C8orf34: variants seen among roughly 807,000 people sequenced by gnomAD.
C8orf34 encodes the protein chromosome 8 open reading frame 34.
C8orf34 carries 65 observed loss-of-function variants against 68.3 expected under a neutral mutation model. That is an observed-to-expected ratio of 0.95 (90% CI 0.78 to 1.17). The LOEUF (loss-of-function observed/expected upper bound fraction) is 1.17. Among genes scored for constraint, C8orf34 ranks in the 50% most tolerant of loss-of-function variants. C8orf34 has a pLI of 0.00. For missense variants in C8orf34, 664 were observed against 655.4 expected (o/e 1.01, Z -0.14); for synonymous variants, 244 against 241.2 (o/e 1.01, Z -0.11).
intron 7 of C8orf34, among the ~76,000 whole-genome samples, chr8:68,627,453 A>C (rs957148593): frequency 6.6e-6 from 1 of 152,170 alleles, no homozygotes; most frequent in Non-Finnish European, 1.5e-5. Flanking sequence ...ATGAGTTCAC[A>C]TGCCAGGAAT....
At position 68,568,093 on chromosome 8, in the gene C8orf34, T is replaced by G. The variant is rs752169389; in HGVS notation, c.1105+34944T>G. 3.2e-4 allele frequency among the ~76,000 whole-genome samples: 49 copies of G among 152,092 alleles called. 1 individual carries two copies. The highest frequency in any genetic ancestry group is 1.8e-4 in the Non-Finnish European group (12 of 68,026). On this transcript the variant is annotated intron_variant, in intron 7 of 13. Coordinates refer to ENST00000518698, the MANE Select transcript of C8orf34 (RefSeq NM_052958.4). ...GGAGCAGTTGGAACACATAAACATTTATTGGTTAAGTTCACCATCTTATAT... is the reference window on the plus strand; with the variant it reads ...GGAGCAGTTGGAACACATAAACATTGATTGGTTAAGTTCACCATCTTATAT...
intron 8 of C8orf34, among the ~76,000 whole-genome samples, chr8:68,645,467 A>G (rs1236971303): frequency 6.6e-6 from 1 of 152,112 alleles, no homozygotes; most frequent in Non-Finnish European, 1.5e-5. Flanking sequence ...TCTCTGCCTA[A>G]GACTTCTGCC....
intron 5 of C8orf34, among the ~76,000 whole-genome samples, chr8:68,499,790 T>C (rs1022587761): frequency 1.3e-5 from 2 of 152,148 alleles, no homozygotes; most frequent in African/African-American, 4.8e-5. Context: ...TCATGTGTCT[T>C]TTGATGTGAA....
At chr8:68,743,161 G>A (rs888345480) in intron 10 of C8orf34, among the ~76,000 whole-genome samples, 6 of 152,162 alleles carry the variant, frequency 3.9e-5, no homozygotes, top group Admixed American at 6.6e-5. Flanking sequence ...AAATTTGAGT[G>A]GAGAACAATT....
chr8:68,389,994 T>C (rs976021461), intron 1 of C8orf34, among the ~76,000 whole-genome samples: 2 of 152,164 alleles, frequency 1.3e-5, no homozygotes. Flanking sequence ...CTGCAGTTAC[T>C]CTTGAAGGGG....
At chr8:68,676,091 T>G (rs1820181462) in intron 8 of C8orf34, among the ~76,000 whole-genome samples, 1 of 152,076 alleles carries the variant, frequency 6.6e-6, no homozygotes, top group South Asian at 2.1e-4. Context: ...TCCCGGAACT[T>G]TGGGAGGCTG....
intron 7 of C8orf34, among the ~76,000 whole-genome samples, chr8:68,553,723 C>T (rs1360839328): frequency 1.3e-5 from 2 of 151,826 alleles, no homozygotes; most frequent in Admixed American, 1.3e-4. Context: ...GTAATTTAAG[C>T]CTCCTCTCTC....
chr8:68,380,672 C>T (rs1011261289), intron 1 of C8orf34, among the ~76,000 whole-genome samples: 5 of 152,214 alleles, frequency 3.3e-5, no homozygotes, highest in African/African-American at 1.2e-4. Context: ...CTTTATGCTA[C>T]ACTACCTGAA....
At chr8:68,551,071 T>C (rs1005167163) in intron 7 of C8orf34, among the ~76,000 whole-genome samples, 4 of 151,912 alleles carry the variant, frequency 2.6e-5, no homozygotes, top group African/African-American at 9.7e-5. Flanking sequence ...TAGGGGAAAT[T>C]CTCAGTCAAA....
At chr8:68,361,862 T>C (rs1029431501) in intron 1 of C8orf34, among the ~76,000 whole-genome samples, 5 of 152,258 alleles carry the variant, frequency 3.3e-5, no homozygotes, top group African/African-American at 1.2e-4. Flanking sequence ...CAAAGCAGGC[T>C]GAACCTTTCC....
chr8:68,489,573 C>T (rs140281871), intron 5 of C8orf34, among the ~76,000 whole-genome samples: 1 of 152,268 alleles, frequency 6.6e-6, no homozygotes, highest in East Asian at 1.9e-4. Flanking sequence ...TAATTTTGTG[C>T]ATGAAACAAA....
chr8:68,432,222 A>G (rs952707541), intron 1 of C8orf34, among the ~76,000 whole-genome samples: 2 of 151,680 alleles, frequency 1.3e-5, no homozygotes, highest in Non-Finnish European at 2.9e-5. Flanking sequence ...TGCATCTTGT[A>G]TGCAATTCTT....
intron 1 of C8orf34, among the ~76,000 whole-genome samples, chr8:68,381,759 A>AAC (rs1312670366): frequency 1.7e-4 from 26 of 150,974 alleles, no homozygotes; most frequent in African/African-American, 6.1e-4. Context: ...AAAAAAAAAA[A>AAC]AAATAGGTAT....
chr8:68,618,574 C>T (rs1445907194), intron 7 of C8orf34, among the ~76,000 whole-genome samples: 1 of 79,402 alleles, frequency 1.3e-5, no homozygotes, highest in Non-Finnish European at 2.3e-5. Context: ...GTCTGAAACT[C>T]CTGGGCTCAA....
At chr8:68,472,482 G>A (rs910150856) in intron 4 of C8orf34, among the ~76,000 whole-genome samples, 2 of 152,070 alleles carry the variant, frequency 1.3e-5, no homozygotes, top group Non-Finnish European at 2.9e-5. Context: ...TATTCTATTT[G>A]AGGGTGTGAA....
chr8:68,433,160 G>T (rs1388377699), intron 1 of C8orf34, among the ~76,000 whole-genome samples: 2 of 152,080 alleles, frequency 1.3e-5, no homozygotes, highest in Non-Finnish European at 2.9e-5. Context: ...TGTTTGGAAG[G>T]CCGTGATCTC....
At chr8:68,364,921 C>T (rs1377692794) in intron 1 of C8orf34, among the ~76,000 whole-genome samples, 1 of 151,776 alleles carries the variant, frequency 6.6e-6, no homozygotes, top group East Asian at 1.9e-4. Context: ...GAAATAGAGA[C>T]ACAAAAAACC....
In C8orf34 at chr8:68,720,986, A is replaced by C. The variant is rs539519896; in HGVS notation, c.1328-375A>C. Among the ~76,000 whole-genome samples, 240 of 152,042 alleles carry C rather than the reference A, an allele frequency of 1.6e-3. 3 individuals carry two copies. The highest frequency in any genetic ancestry group is 5.5e-3 in the African/African-American group (229 of 41,536). ...TATTACTCAAATTGTGTAACCCCCC[A>C]AAAGGAGACAATTGATAGATAAAAG... is the stretch of plus-strand genomic sequence containing the variant. On this transcript the variant is annotated intron_variant, in intron 9 of 13. Transcript: ENST00000518698.
chr8:68,616,161 T>A (rs1818206077), intron 7 of C8orf34, among the ~76,000 whole-genome samples: 1 of 151,560 alleles, frequency 6.6e-6, no homozygotes, highest in Non-Finnish European at 1.5e-5. Context: ...TTTTATTGCG[T>A]CTATTTGATT....
Sources: gnomAD v4.1 joint callset for allele counts (sites outside exome capture counted in the v4.1 genomes callset) on GRCh38, gnomAD v4.1.1 for gene constraint, MANE v1.5 for transcripts, NCBI Gene and HGNC (gene_info 2026-07-23, HGNC 2026-07-21) for gene names.